The following GNG12 variants were observed in gnomAD, a reference collection of about 807,000 sequenced individuals.
GNG12 encodes the protein G protein subunit gamma 12.
For missense variants in GNG12, 69 were observed against 83.8 expected, an observed-to-expected ratio of 0.82 and a Z score of 0.69; for synonymous variants, 28 against 29.7, an observed-to-expected ratio of 0.94 and a Z score of 0.19.
chr1:67,822,606 CAG>C (rs1306509981), intron 1 of GNG12, among the ~76,000 whole-genome samples: 1 of 152,168 alleles, frequency 6.6e-6, no homozygotes, highest in Non-Finnish European at 1.5e-5. Flanking sequence ...TAAAAAGAAA[CAG>C]AGCACTGGGC....
chr1:67,820,173 G>A (rs1362705317), intron 1 of GNG12, among the ~76,000 whole-genome samples: 2 of 151,954 alleles, frequency 1.3e-5, no homozygotes, highest in Admixed American at 1.3e-4. Flanking sequence ...CGGATCATCT[G>A]AGGTCAGGAG....
intron 2 of GNG12, among the ~76,000 whole-genome samples, chr1:67,763,540 T>C (rs573926738): frequency 3.9e-5 from 6 of 152,168 alleles, no homozygotes; most frequent in African/African-American, 1.4e-4. Flanking sequence ...CACTTTTTTT[T>C]TTTTTGGTAA....
At chr1:67,718,449 A>G (rs1457579137) in intron 2 of GNG12, among the ~76,000 whole-genome samples, 5 of 152,144 alleles carry the variant, frequency 3.3e-5, no homozygotes, top group African/African-American at 1.2e-4. Flanking sequence ...TGTTTTTTGT[A>G]CTAAACCTAT....
rs72922751 is a variant in GNG12, at chr1:67,726,680, C to T, written c.-26-18968G>A. 9.9e-3 allele frequency among the ~76,000 whole-genome samples: 1,502 copies of T among 152,318 alleles called. 19 individuals carry two copies. The highest frequency in any genetic ancestry group is 0.024 in the African/African-American group (1,000 of 41,572). The stretch of plus-strand genomic sequence containing the variant: ...TAAGTCAGAGAAACTAATTGTTTAG[C>T]TTTTTTCTAGTTAAATATCAATTAG... On this transcript the variant is annotated intron_variant, in intron 2 of 3. Coordinates refer to ENST00000370982, the MANE Select transcript of GNG12 (RefSeq NM_018841.6).
intron 2 of GNG12, among the ~76,000 whole-genome samples, chr1:67,725,676 AG>A (rs775670131): frequency 2.2e-4 from 33 of 152,252 alleles, no homozygotes; most frequent in Non-Finnish European, 3.8e-4. Context: ...AACATGGGAC[AG>A]AAATCAAAGC....
Position 67,705,545 on chromosome 1 carries a change from T to C in GNG12, c.125A>G (p.Tyr42Cys). Residue 42 changes from tyrosine (Y) to cysteine (C), a missense_variant, in exon 4 of 4, where the codon TAC becomes TGC. Physicochemically the swap from Tyr to Cys is radical, Grantham distance 194. Coordinates refer to ENST00000370982, the MANE Select transcript of GNG12 (RefSeq NM_018841.6). ...VSKASADLMSYCEEHARSDPL... is the reference protein window; with the variant it reads ...VSKASADLMSCCEEHARSDPL... ...GTCACTCCTGGCATGTTCCTCACAG[T>C]AGGACATGAGGTCCGCTGATGCCTT... 2 of 1,613,744 alleles carry C rather than the reference T, an allele frequency of 1.2e-6. No homozygotes were observed. Among genetic ancestry groups the C allele is most frequent in the Non-Finnish European group, 1.7e-6 (2 of 1,179,912 alleles).
intron 1 of GNG12, among the ~76,000 whole-genome samples, chr1:67,805,351 C>T (rs1261774948): frequency 6.6e-6 from 1 of 152,088 alleles, no homozygotes; most frequent in African/African-American, 2.4e-5. Context: ...AGCATCAGAA[C>T]CAGAATCAGA....
At chr1:67,724,703 A>C (rs1646376656) in intron 2 of GNG12, among the ~76,000 whole-genome samples, 1 of 152,138 alleles carries the variant, frequency 6.6e-6, no homozygotes, top group Admixed American at 6.5e-5. Context: ...TTCTATTCAT[A>C]TAAAGTTCAG....
At chr1:67,813,237 A>G (rs1166359094) in intron 1 of GNG12, among the ~76,000 whole-genome samples, 2 of 152,208 alleles carry the variant, frequency 1.3e-5, no homozygotes, top group Admixed American at 1.3e-4. Flanking sequence ...AAGGGTCATC[A>G]TAAGAAATAG....
At chr1:67,798,444 T>C (rs911068897) in intron 1 of GNG12, among the ~76,000 whole-genome samples, 3 of 152,096 alleles carry the variant, frequency 2.0e-5, no homozygotes, top group African/African-American at 7.2e-5. Context: ...TGGGGACCAC[T>C]GCTGTATTGA....
intron 2 of GNG12, among the ~76,000 whole-genome samples, chr1:67,758,700 A>G (rs1455640873): frequency 1.3e-5 from 2 of 152,212 alleles, no homozygotes; most frequent in East Asian, 3.8e-4. Flanking sequence ...TGAGAGAAAA[A>G]CATGAAGCAA....
In GNG12 at chr1:67,726,457, C is replaced by T. The variant is rs971861641; in HGVS notation, c.-26-18745G>A. ...GGAACAACATATGCCTTGGGTTGGG[C>T]ACAGAGTGAGAACTCAATAAACACT... On this transcript the variant is annotated intron_variant, in intron 2 of 3. Coordinates refer to ENST00000370982, the MANE Select transcript of GNG12 (RefSeq NM_018841.6). Among the ~76,000 whole-genome samples the T allele has an allele frequency of 1.2e-4, 19 of 152,296 alleles. 1 individual carries two copies. In the Middle Eastern group the frequency reaches 0.014, roughly 109 times the overall value.
chr1:67,728,204 A>T (rs1258796725), intron 2 of GNG12, among the ~76,000 whole-genome samples: 1 of 152,112 alleles, frequency 6.6e-6, no homozygotes, highest in Admixed American at 6.5e-5. Context: ...TGCAAGCCTC[A>T]CCCCGTACCT....
Position 67,704,022 on chromosome 1 carries a change from G to A in GNG12, c.*1429C>T, listed in dbSNP as rs1041470244. The A allele has an allele frequency of 1.3e-5, 2 of 152,204 alleles. No homozygotes were observed. The highest frequency in any genetic ancestry group is 4.8e-5 in the African/African-American group (2 of 41,450). 9.4% of individuals were successfully genotyped at this position (152,204 alleles called of 1,614,324 possible). A position where few individuals can be genotyped will look rare whatever the true frequency, so the allele number is the denominator to read the frequency against. The stretch of plus-strand genomic sequence containing the variant: ...AAGGCCTAGTGTATGATTTGACTCC[G>A]AAGTGACCCTCTCTTCTACTTTGAT... On this transcript the variant is annotated 3_prime_UTR_variant, in exon 4 of 4. Transcript: ENST00000370982.
intron 2 of GNG12, among the ~76,000 whole-genome samples, chr1:67,711,519 A>T (rs1205497099): frequency 2.0e-5 from 3 of 152,148 alleles, no homozygotes; most frequent in African/African-American, 7.2e-5. Flanking sequence ...TGGTTTTCTC[A>T]TGCACACAGA....
rs1484376672 is a variant in GNG12 at position 67,709,947 on chromosome 1, TAG to T, written c.-26-2237_-26-2236del. On this transcript the variant is annotated intron_variant, in intron 2 of 3. Transcript: ENST00000370982. ...AGTTATATATATAGTTATATATATA[TAG>T]TTATATATATAGTTATATATATAGT... Among the ~76,000 whole-genome samples, 41 of 26,352 alleles carry T rather than the reference TAG, an allele frequency of 1.6e-3. 2 individuals are homozygous for T. The highest frequency in any genetic ancestry group is 3.3e-3 in the South Asian group (2 of 614). The allele number at this position is 26,352 out of a possible 152,430, so 17.3% of individuals were successfully genotyped here.
intron 3 of GNG12, among the ~76,000 whole-genome samples, chr1:67,706,054 G>C (rs1045102438): frequency 6.6e-6 from 1 of 152,176 alleles, no homozygotes; most frequent in African/African-American, 2.4e-5. Flanking sequence ...TATATGTTTT[G>C]TGTGTATGTG....
chr1:67,765,044 A>G (rs1646627581), intron 2 of GNG12, among the ~76,000 whole-genome samples: 1 of 152,264 alleles, frequency 6.6e-6, no homozygotes, highest in African/African-American at 2.4e-5. Flanking sequence ...GAGATGAAAA[A>G]TTAGACAAAA....
intron 2 of GNG12, among the ~76,000 whole-genome samples, chr1:67,709,900 A>AG (rs1646273209): frequency 9.5e-6 from 1 of 105,690 alleles, no homozygotes; most frequent in African/African-American, 4.3e-5. Flanking sequence ...TTATATATAT[A>AG]TTTTTATATA....
Sources: allele counts gnomAD v4.1 joint callset (sites outside exome capture counted in the v4.1 genomes callset), GRCh38; gene constraint gnomAD v4.1.1; transcripts MANE v1.5; gene names NCBI Gene and HGNC (gene_info 2026-07-23, HGNC 2026-07-21).